Variants in BRD10 observed in about 807,000 individuals in gnomAD.
BRD10 encodes the protein uncharacterized bromodomain-containing protein 10.
the BRD10 span, among the ~76,000 whole-genome samples, chr9:5,985,331 C>T: frequency 2.0e-5 from 3 of 152,090 alleles, no homozygotes; most frequent in Admixed American, 6.5e-5. Flanking sequence ...ACCTTGGGTA[C>T]GCTAAGATTC....
At chr9:5,916,725 A>AT in the BRD10 span, among the ~76,000 whole-genome samples, 2 of 152,144 alleles carry the variant, frequency 1.3e-5, no homozygotes. Context: ...ATTTTAGGTG[A>AT]TACAGAACAC....
the BRD10 span, among the ~76,000 whole-genome samples, chr9:6,001,931 G>T: frequency 1.3e-5 from 2 of 152,052 alleles, no homozygotes; most frequent in African/African-American, 4.8e-5. Context: ...TTTGTAGGGG[G>T]AAAAAACTAA....
chr9:5,913,197 C>G, the BRD10 span, among the ~76,000 whole-genome samples: 4 of 152,202 alleles, frequency 2.6e-5, no homozygotes, highest in Non-Finnish European at 5.9e-5. Flanking sequence ...ATCAATGAAG[C>G]CTTCAAGTTA....
chr9:5,952,672 G>A, the BRD10 span, among the ~76,000 whole-genome samples: 7 of 152,078 alleles, frequency 4.6e-5, no homozygotes, highest in Admixed American at 1.3e-4. Context: ...CACTAAGATG[G>A]GTATAGAGGA....
At chr9:5,890,631 T>G in the BRD10 span, among the ~76,000 whole-genome samples, 1 of 152,202 alleles carries the variant, frequency 6.6e-6, no homozygotes, top group East Asian at 1.9e-4. Context: ...TCATGTCATA[T>G]TTTATGTGAC....
chr9:5,906,931 G>A, the BRD10 span: 2 of 1,596,300 alleles, frequency 1.3e-6, no homozygotes, highest in South Asian at 1.1e-5. Context: ...ACAAGAAGAT[G>A]CCCACAAGAA....
chr9:5,957,336 T>A, the BRD10 span, among the ~76,000 whole-genome samples: 1 of 152,186 alleles, frequency 6.6e-6, no homozygotes, highest in Admixed American at 6.5e-5. Context: ...GCTCCTTCCA[T>A]TATGTAATTC....
At chr9:5,960,795 A>G in the BRD10 span, among the ~76,000 whole-genome samples, 2 of 152,140 alleles carry the variant, frequency 1.3e-5, no homozygotes, top group African/African-American at 2.4e-5. Context: ...ATAGTATATT[A>G]TTGAAAACAA....
chr9:5,886,980 C>T, the BRD10 span, among the ~76,000 whole-genome samples: 1 of 152,178 alleles, frequency 6.6e-6, no homozygotes, highest in African/African-American at 2.4e-5. Context: ...AAACAAGGGC[C>T]AGGTGCAGTG....
chr9:5,971,833 A>G, the BRD10 span, among the ~76,000 whole-genome samples: 1 of 152,164 alleles, frequency 6.6e-6, no homozygotes, highest in Admixed American at 6.6e-5. Context: ...GGGGCATACT[A>G]GAAAAAAGTC....
At chr9:5,970,396 T>C in the BRD10 span, among the ~76,000 whole-genome samples, 1 of 152,116 alleles carries the variant, frequency 6.6e-6, no homozygotes, top group African/African-American at 2.4e-5. Context: ...AAATAATTTC[T>C]AGGTTAATAG....
the BRD10 span, among the ~76,000 whole-genome samples, chr9:5,932,477 T>C: frequency 6.6e-6 from 1 of 152,190 alleles, no homozygotes; most frequent in Non-Finnish European, 1.5e-5. Flanking sequence ...TTCTTTCTTG[T>C]CATTATTCCC....
the BRD10 span, chr9:6,008,284 C>T: frequency 1.0e-6 from 1 of 984,072 alleles, no homozygotes; most frequent in African/African-American, 1.7e-5. Context: ...CCTCTACCTG[C>T]GGGGGACACG....
At chr9:5,989,943 A>T in the BRD10 span, among the ~76,000 whole-genome samples, 1,680 of 152,352 alleles carry the variant, frequency 0.011, 32 homozygotes, top group African/African-American at 0.039. Flanking sequence ...CCTTACCCTC[A>T]GTGCCATCTA....
At chr9:5,959,046 C>T in the BRD10 span, among the ~76,000 whole-genome samples, 2 of 152,136 alleles carry the variant, frequency 1.3e-5, no homozygotes, top group African/African-American at 4.8e-5. Flanking sequence ...TTCTTTAACG[C>T]TATCACATAA....
At chr9:5,989,382 G>A in the BRD10 span, among the ~76,000 whole-genome samples, 1 of 146,208 alleles carries the variant, frequency 6.8e-6, no homozygotes, top group Non-Finnish European at 1.5e-5. Flanking sequence ...AATGAGCTGA[G>A]ATCGTACCAC....
chr9:6,008,369 G>GA, the BRD10 span: 52 of 948,394 alleles, frequency 5.5e-5, 1 homozygote, highest in Middle Eastern at 2.1e-3. Context: ...GGTGAGGGGG[G>GA]AGAAAGGGGA....
At chr9:5,881,837 T>G in the BRD10 span, among the ~76,000 whole-genome samples, 1 of 152,174 alleles carries the variant, frequency 6.6e-6, no homozygotes, top group East Asian at 1.9e-4. Context: ...AGGAAGTCAC[T>G]AGAGATGAGA....
At chr9:5,991,874 T>C in the BRD10 span, among the ~76,000 whole-genome samples, 1 of 152,208 alleles carries the variant, frequency 6.6e-6, no homozygotes, top group Admixed American at 6.5e-5. Context: ...CCTAATTTTC[T>C]GCCATTCTGA....
Sources: allele counts gnomAD v4.1 joint callset (sites outside exome capture counted in the v4.1 genomes callset), GRCh38; gene constraint gnomAD v4.1.1; transcripts MANE v1.5; gene names NCBI Gene and HGNC (gene_info 2026-07-23, HGNC 2026-07-21).